Variants in ADAMTS18 observed in about 807,000 individuals in gnomAD.
ADAMTS18 encodes A disintegrin and metalloproteinase with thrombospondin motifs 18.
In ADAMTS18, 157 loss-of-function variants were observed where a neutral mutation model predicts 165.9. That is an observed-to-expected ratio of 0.95 (90% CI 0.83 to 1.08). ADAMTS18 has a LOEUF of 1.08. ADAMTS18 is among the 50% of genes least tolerant of loss of function. ADAMTS18 has a pLI of 0.00. For missense variants in ADAMTS18, 2,040 were observed against 1,534.0 expected (o/e 1.33, Z -5.51); for synonymous variants, 782 against 578.2 (o/e 1.35, Z -5.06).
rs760500555 is a variant in ADAMTS18, at chr16:77,293,134, A to G, written c.3131T>C (p.Val1044Ala). The change falls in exon 20 of 23, where the codon GTG (valine) becomes GCG (alanine). Residue 1044 changes from valine (V) to alanine (A), a missense_variant. By Grantham distance (64) the Val-to-Ala change is moderately conservative. Transcript: ENST00000282849. ...LPRPELQEGC[V>A]LGRCPKNSRL... is the part of the protein sequence containing the mutation. ...GCTGTTCTTGGGGCATCGTCCAAGC[A>G]CACAGCCCTCCTGCAGCTCAGGTCT... is the stretch of plus-strand genomic sequence containing the variant. 1 of 1,613,828 alleles carries G rather than the reference A, an allele frequency of 6.2e-7. No homozygotes were observed. Among genetic ancestry groups the G allele is most frequent in the Non-Finnish European group, 8.5e-7 (1 of 1,179,980 alleles).
chr16:77,331,342 C>T (rs1044254875), intron 12 of ADAMTS18, among the ~76,000 whole-genome samples: 3 of 152,076 alleles, frequency 2.0e-5, no homozygotes, highest in Non-Finnish European at 4.4e-5. Flanking sequence ...TGGATGAAAA[C>T]CAGATCCATG....
At chr16:77,355,123 T>G (rs1357658489) in intron 9 of ADAMTS18, among the ~76,000 whole-genome samples, 1 of 152,016 alleles carries the variant, frequency 6.6e-6, no homozygotes, top group African/African-American at 2.4e-5. Context: ...CCAAAGAAAT[T>G]TCACTAACAT....
intron 12 of ADAMTS18, among the ~76,000 whole-genome samples, chr16:77,331,650 G>T (rs1350020418): frequency 6.6e-6 from 1 of 152,092 alleles, no homozygotes; most frequent in Non-Finnish European, 1.5e-5. Flanking sequence ...GACATTTTTG[G>T]TTGTCACAGT....
intron 2 of ADAMTS18, among the ~76,000 whole-genome samples, chr16:77,432,098 T>C (rs768234872): frequency 1.3e-5 from 2 of 152,214 alleles, no homozygotes; most frequent in African/African-American, 2.4e-5. Context: ...AGAGTTTACA[T>C]TTCAAGTCCT....
chr16:77,413,430 T>G (rs545450648), intron 3 of ADAMTS18, among the ~76,000 whole-genome samples: 2 of 152,184 alleles, frequency 1.3e-5, no homozygotes, highest in Non-Finnish European at 2.9e-5. Flanking sequence ...AGTGCTAGCA[T>G]TGCCACCAGC....
intron 12 of ADAMTS18, among the ~76,000 whole-genome samples, chr16:77,327,192 T>C (rs1009350198): frequency 1.3e-5 from 2 of 152,194 alleles, no homozygotes; most frequent in African/African-American, 4.8e-5. Flanking sequence ...GAACAATTTT[T>C]TAATTTTTGA....
intron 3 of ADAMTS18, among the ~76,000 whole-genome samples, chr16:77,401,203 G>A (rs764157381): frequency 2.6e-5 from 4 of 151,926 alleles, no homozygotes; most frequent in African/African-American, 7.3e-5. Context: ...GCGGTGAGCC[G>A]AGATCATACC....
intron 4 of ADAMTS18, among the ~76,000 whole-genome samples, chr16:77,366,129 G>C (rs982385181): frequency 6.7e-6 from 1 of 148,834 alleles, no homozygotes; most frequent in Admixed American, 6.8e-5. Flanking sequence ...TAATATCTTA[G>C]TGATACCAGT....
chr16:77,298,810 C>G, intron 17 of ADAMTS18, among the ~76,000 whole-genome samples: 1 of 152,082 alleles, frequency 6.6e-6, no homozygotes, highest in East Asian at 1.9e-4. Flanking sequence ...ATAACAAAAA[C>G]AAAAAATCAA....
intron 16 of ADAMTS18, among the ~76,000 whole-genome samples, chr16:77,301,754 T>C (rs2055586870): frequency 6.6e-6 from 1 of 150,582 alleles, no homozygotes; most frequent in South Asian, 2.1e-4. Context: ...AGGAGTATTA[T>C]GACTAACTCT....
At chr16:77,325,606 A>T (rs2056079214) in intron 13 of ADAMTS18, among the ~76,000 whole-genome samples, 1 of 152,100 alleles carries the variant, frequency 6.6e-6, no homozygotes, top group East Asian at 1.9e-4. Flanking sequence ...TAAGTTGAGA[A>T]ACATGAGTTC....
At chr16:77,370,081 C>G (rs1416928515) in intron 3 of ADAMTS18, among the ~76,000 whole-genome samples, 1 of 152,128 alleles carries the variant, frequency 6.6e-6, no homozygotes, top group Non-Finnish European at 1.5e-5. Flanking sequence ...AAGTGCATCT[C>G]AACACAATAA....
chr16:77,429,867 G>C (rs1372153436), intron 3 of ADAMTS18, among the ~76,000 whole-genome samples: 1 of 152,164 alleles, frequency 6.6e-6, no homozygotes, highest in Non-Finnish European at 1.5e-5. Flanking sequence ...CCACTGCCCT[G>C]TGATGTAAAC....
intron 3 of ADAMTS18, among the ~76,000 whole-genome samples, chr16:77,397,922 T>C (rs1049746946): frequency 2.0e-5 from 3 of 152,172 alleles, no homozygotes; most frequent in African/African-American, 4.8e-5. Context: ...TACAGCAAAA[T>C]TGCTTTACCT....
At chr16:77,329,629 T>C (rs2056155421) in intron 12 of ADAMTS18, among the ~76,000 whole-genome samples, 1 of 152,214 alleles carries the variant, frequency 6.6e-6, no homozygotes, top group Non-Finnish European at 1.5e-5. Context: ...CTGAGTATTA[T>C]GTGATCTGAT....
intron 10 of ADAMTS18, among the ~76,000 whole-genome samples, chr16:77,342,105 T>C (rs998407184): frequency 6.6e-6 from 1 of 152,194 alleles, no homozygotes; most frequent in Non-Finnish European, 1.5e-5. Flanking sequence ...GTGATGATGA[T>C]AACCGTCGTA....
chr16:77,291,540 G>A, intron 20 of ADAMTS18, 62 bp from the exon 21 acceptor site: 4 of 1,543,732 alleles, frequency 2.6e-6, no homozygotes, highest in Non-Finnish European at 2.7e-6. Flanking sequence ...TCTGGACAGA[G>A]GCAGTTTGAC....
At chr16:77,381,478 C>T (rs1168401096) in intron 3 of ADAMTS18, among the ~76,000 whole-genome samples, 1 of 152,146 alleles carries the variant, frequency 6.6e-6, no homozygotes, top group African/African-American at 2.4e-5. Context: ...AGGTCATTCT[C>T]AGAAGTGAGT....
chr16:77,407,440 T>C (rs558587275), intron 3 of ADAMTS18, among the ~76,000 whole-genome samples: 5 of 152,156 alleles, frequency 3.3e-5, no homozygotes, highest in African/African-American at 1.2e-4. Flanking sequence ...CAGCAGAATT[T>C]TGGTAGAAAT....
Sources: allele counts gnomAD v4.1 joint callset (sites outside exome capture counted in the v4.1 genomes callset), GRCh38; gene constraint gnomAD v4.1.1; transcripts MANE v1.5; gene names NCBI Gene and HGNC (gene_info 2026-07-23, HGNC 2026-07-21).